FGF12: variants seen among roughly 807,000 people sequenced by gnomAD.
FGF12 encodes fibroblast growth factor 12.
A neutral mutation model predicts 23.6 loss-of-function variants in FGF12; 14 were observed. The ratio of observed to expected loss-of-function variants is 0.59; its 90% CI spans 0.39 to 0.93. The LOEUF (loss-of-function observed/expected upper bound fraction) is 0.93, where lower values mean the gene tolerates loss of function less well. Ranked by LOEUF, FGF12 falls within the 40% of genes least tolerant of loss-of-function variation. The probability of loss-of-function intolerance (pLI) is 0.00; values close to 1 mark genes in which losing one functional copy is unlikely to be tolerated. For synonymous variants in FGF12, 62 were observed against 77.3 expected (o/e 0.80, Z 1.04); for missense variants, 175 against 217.8 (o/e 0.80, Z 1.24).
intron 2 of FGF12, among the ~76,000 whole-genome samples, chr3:192,400,217 T>C (rs910120360): frequency 6.6e-6 from 1 of 152,140 alleles, no homozygotes; most frequent in Non-Finnish European, 1.5e-5. Flanking sequence ...TAGAACTTTA[T>C]AAAATTTGTG....
intron 2 of FGF12, among the ~76,000 whole-genome samples, chr3:192,462,866 G>T (rs1722902287): frequency 6.6e-6 from 1 of 152,114 alleles, no homozygotes; most frequent in South Asian, 2.1e-4. Context: ...TAAATATGCA[G>T]CCATATAAGA....
intron 4 of FGF12, among the ~76,000 whole-genome samples, chr3:192,254,765 T>G (rs1458169745): frequency 1.3e-5 from 2 of 152,078 alleles, no homozygotes; most frequent in Non-Finnish European, 2.9e-5. Flanking sequence ...TCTGTCACTT[T>G]GCACTATAAA....
intron 2 of FGF12, among the ~76,000 whole-genome samples, chr3:192,438,742 CAG>C (rs1722102849): frequency 6.6e-6 from 1 of 151,266 alleles, no homozygotes; most frequent in South Asian, 2.1e-4. Flanking sequence ...TGTGCTTGAC[CAG>C]TAGGAGTGGA....
In FGF12 at chr3:192,508,697, T is replaced by C. The variant is rs181969655; in HGVS notation, c.14-148159A>G. On this transcript the variant is annotated intron_variant, in intron 2 of 5. Coordinates refer to ENST00000445105, the MANE Select transcript of FGF12 (RefSeq NM_004113.6). ...GCCTTTTGTTAAAAATTGCTTCTTT[T>C]TATATCTTTATCTTAGTTGTATTCA... is the stretch of plus-strand genomic sequence containing the variant. Among the ~76,000 whole-genome samples, 13 of 152,340 alleles carry C rather than the reference T, an allele frequency of 8.5e-5. 1 individual carries two copies. The highest frequency in any genetic ancestry group is 5.2e-4 in the Admixed American group (8 of 15,292).
In FGF12 at chr3:192,283,806, A is replaced by G. The variant is rs143880440; in HGVS notation, c.228+51555T>C. On this transcript the variant is annotated intron_variant, in intron 4 of 5. Coordinates refer to ENST00000445105, the MANE Select transcript of FGF12 (RefSeq NM_004113.6). ...GTCAGTCGGGGAAGCACTATTTTAT[A>G]TCACTGCCTGAATAGTGACAAAGAA... 8.7e-3 allele frequency among the ~76,000 whole-genome samples: 1,323 copies of G among 152,172 alleles called. 10 individuals are homozygous for G. Among genetic ancestry groups the G allele is most frequent in the Middle Eastern group, 0.034 (10 of 294 alleles).
chr3:192,596,516 C>T (rs1202020548), intron 2 of FGF12, among the ~76,000 whole-genome samples: 2 of 152,136 alleles, frequency 1.3e-5, no homozygotes, highest in African/African-American at 4.8e-5. Context: ...TATTACTCTA[C>T]TTTACAGATA....
intron 2 of FGF12, among the ~76,000 whole-genome samples, chr3:192,627,752 C>A (rs1178736214): frequency 6.6e-6 from 1 of 152,026 alleles, no homozygotes; most frequent in African/African-American, 2.4e-5. Context: ...TAGTTTCCCC[C>A]AATGGTAATA....
At chr3:192,437,509 G>A (rs1239418572) in intron 2 of FGF12, among the ~76,000 whole-genome samples, 2 of 152,060 alleles carry the variant, frequency 1.3e-5, no homozygotes, top group Admixed American at 6.6e-5. Flanking sequence ...TGACCAAGAT[G>A]GTGAAACCCC....
intron 2 of FGF12, among the ~76,000 whole-genome samples, chr3:192,366,060 A>T (rs141956276): frequency 1.1e-4 from 16 of 152,122 alleles, no homozygotes; most frequent in African/African-American, 3.6e-4. Flanking sequence ...CACAGCTAAC[A>T]CACTGATGAG....
chr3:192,502,351 TC>T (rs1724156822), intron 2 of FGF12, among the ~76,000 whole-genome samples: 1 of 152,174 alleles, frequency 6.6e-6, no homozygotes, highest in Non-Finnish European at 1.5e-5. Flanking sequence ...TGTTTGAAAA[TC>T]CTTGTTTATC....
At chr3:192,434,487 G>C (rs1023607099) in intron 2 of FGF12, among the ~76,000 whole-genome samples, 1 of 152,188 alleles carries the variant, frequency 6.6e-6, no homozygotes, top group Admixed American at 6.5e-5. Context: ...ATAGGAGTAA[G>C]CTTGAGATTG....
chr3:192,656,507 G>C (rs1370832354), intron 2 of FGF12, among the ~76,000 whole-genome samples: 1 of 152,116 alleles, frequency 6.6e-6, no homozygotes, highest in East Asian at 1.9e-4. Context: ...GGGACATTGA[G>C]CAATGCCTAT....
At chr3:192,240,401 T>G (rs759856012) in intron 4 of FGF12, among the ~76,000 whole-genome samples, 49 of 152,232 alleles carry the variant, frequency 3.2e-4, no homozygotes, top group Non-Finnish European at 6.3e-4. Flanking sequence ...AAGATGATTT[T>G]CTGATAAAAT....
chr3:192,424,851 T>G (rs1028999364), intron 2 of FGF12, among the ~76,000 whole-genome samples: 1 of 152,152 alleles, frequency 6.6e-6, no homozygotes, highest in African/African-American at 2.4e-5. Flanking sequence ...GCCATGTTTT[T>G]TATCCCTTCA....
chr3:192,265,505 C>A (rs1227409561), intron 4 of FGF12: 1 of 152,172 alleles, frequency 6.6e-6, no homozygotes, highest in Non-Finnish European at 1.5e-5. Flanking sequence ...CAGGACAAAT[C>A]CAGCCCACCT....
At chr3:192,346,047 A>G (rs1717945170) in intron 3 of FGF12, among the ~76,000 whole-genome samples, 1 of 151,954 alleles carries the variant, frequency 6.6e-6, no homozygotes, top group African/African-American at 2.4e-5. Context: ...AATTAGGGAT[A>G]AAAAAGGACT....
intron 4 of FGF12, among the ~76,000 whole-genome samples, chr3:192,332,634 G>A (rs900500593): frequency 6.6e-6 from 1 of 151,966 alleles, no homozygotes; most frequent in African/African-American, 2.4e-5. Context: ...AAAGTAACAA[G>A]GGAATTACTT....
rs571572771 is a variant in FGF12 at position 192,653,013 on chromosome 3, G to A, written c.13+74168C>T. Reference sequence around the variant, plus strand: ...GCCATCTGTGGCCCTACTCTCCTTGGAATAAACTTCTGTTGTGACACAGAA... The same window carrying A: ...GCCATCTGTGGCCCTACTCTCCTTGAAATAAACTTCTGTTGTGACACAGAA... On this transcript the variant is annotated intron_variant, in intron 2 of 5. Transcript: ENST00000445105. 3.9e-5 allele frequency among the ~76,000 whole-genome samples: 6 copies of A among 152,292 alleles called. No individual in the cohort carries two copies. In the East Asian group the frequency reaches 1.2e-3, roughly 29 times the overall value.
At chr3:192,575,113 T>C (rs1414878089) in intron 2 of FGF12, among the ~76,000 whole-genome samples, 5 of 152,108 alleles carry the variant, frequency 3.3e-5, no homozygotes, top group African/African-American at 4.8e-5. Flanking sequence ...AATAATTACA[T>C]GGAGTGAAGT....
Sources: allele counts gnomAD v4.1 joint callset (sites outside exome capture counted in the v4.1 genomes callset), GRCh38; gene constraint gnomAD v4.1.1; transcripts MANE v1.5; gene names NCBI Gene and HGNC (gene_info 2026-07-23, HGNC 2026-07-21).